USP32: variants seen among roughly 807,000 people sequenced by gnomAD.
USP32 encodes ubiquitin specific peptidase 32, also known as ubiquitin carboxyl-terminal hydrolase 32.
Under a neutral mutation model 204.8 loss-of-function variants are expected in USP32, and 59 were observed. The ratio of observed to expected loss-of-function variants is 0.29; its 90% CI spans 0.23 to 0.36. The LOEUF is 0.36. Ranked by LOEUF, USP32 falls within the 10% of genes least tolerant of loss-of-function variation. The pLI is 1.00. For synonymous variants in USP32, 517 were observed against 678.4 expected, an observed-to-expected ratio of 0.76 and a Z score of 3.70; for missense variants, 1,160 against 1,946.4, an observed-to-expected ratio of 0.60 and a Z score of 7.60.
chr17:60,390,141 C>T (rs1004448878), intron 1 of USP32, among the ~76,000 whole-genome samples: 3 of 152,116 alleles, frequency 2.0e-5, no homozygotes, highest in Admixed American at 1.3e-4. Flanking sequence ...TAAACAAAAA[C>T]CTTCCAGTCA....
At chr17:60,368,766 G>A (rs551045041) in intron 1 of USP32, among the ~76,000 whole-genome samples, 1 of 152,068 alleles carries the variant, frequency 6.6e-6, no homozygotes, top group East Asian at 1.9e-4. Flanking sequence ...ACACAACCTC[G>A]AAATGGCAAC....
chr17:60,349,069 G>A (rs1385935412), intron 1 of USP32, among the ~76,000 whole-genome samples: 1 of 151,648 alleles, frequency 6.6e-6, no homozygotes, highest in Admixed American at 6.6e-5. Context: ...TCACAGTCTA[G>A]TGGAGGAGAC....
At chr17:60,326,223 C>A (rs1192709613) in intron 2 of USP32, among the ~76,000 whole-genome samples, 1 of 151,806 alleles carries the variant, frequency 6.6e-6, no homozygotes, top group African/African-American at 2.4e-5. Flanking sequence ...TACATAGATT[C>A]ATCATAAATC....
At chr17:60,323,493 G>T (rs1359695789) in intron 2 of USP32, among the ~76,000 whole-genome samples, 1 of 152,152 alleles carries the variant, frequency 6.6e-6, no homozygotes, top group Non-Finnish European at 1.5e-5. Context: ...AGGGATGACT[G>T]TTAAAGTAAG....
chr17:60,347,982 C>T lies in USP32; in HGVS notation c.59-2374G>A, dbSNP rs191024062. On this transcript the variant is annotated intron_variant, in intron 1 of 33. Coordinates refer to ENST00000300896, the MANE Select transcript of USP32 (RefSeq NM_032582.4). ...CTAAAAATACAAAAAATTAGCCAGG[C>T]CTGGTGGCGGGCACCTGTAGTCCCA... Among the ~76,000 whole-genome samples the T allele has an allele frequency of 8.9e-3, 1,356 of 151,926 alleles. 15 individuals are homozygous for T. Among genetic ancestry groups the T allele is most frequent in the Middle Eastern group, 0.014 (4 of 294 alleles).
chr17:60,278,279 A>G (rs975642290), intron 5 of USP32, among the ~76,000 whole-genome samples: 1 of 152,182 alleles, frequency 6.6e-6, no homozygotes, highest in Non-Finnish European at 1.5e-5. Context: ...CTGACATTGT[A>G]CTAAAAACTA....
chr17:60,369,081 G>A (rs373726178), intron 1 of USP32, among the ~76,000 whole-genome samples: 3 of 126,824 alleles, frequency 2.4e-5, no homozygotes, highest in African/African-American at 1.2e-4. Flanking sequence ...TGCAAGCTCC[G>A]CCTCCCGGGT....
intron 11 of USP32, among the ~76,000 whole-genome samples, chr17:60,237,422 T>C (rs8070076): frequency 0.035 from 5,278 of 151,724 alleles, 313 homozygotes; most frequent in African/African-American, 0.12. Context: ...AACCAAAAAC[T>C]ATTTATTTTT....
At position 60,281,139 on chromosome 17, in the gene USP32, T is replaced by C. The variant is rs552846315; in HGVS notation, c.571+7384A>G. ...GATCTACAGCCCTCTATTTGAAAAT[T>C]TGCTTGATCCCAAAACAATTATTCT... On this transcript the variant is annotated intron_variant, in intron 5 of 33. Transcript: ENST00000300896. 9.8e-5 allele frequency among the ~76,000 whole-genome samples: 15 copies of C among 152,344 alleles called. No homozygotes were observed. The East Asian group carries it at 1.3e-3, about 14-fold the overall frequency.
At chr17:60,236,075 G>C in intron 12 of USP32, 63 bp downstream of exon 12, 1 of 1,304,104 alleles carries the variant, frequency 7.7e-7, no homozygotes. Context: ...TTTATTATTG[G>C]CTGGAAGTCT....
chr17:60,227,849 T>C (rs952323245), intron 12 of USP32, among the ~76,000 whole-genome samples: 2 of 152,144 alleles, frequency 1.3e-5, no homozygotes, highest in African/African-American at 4.8e-5. Context: ...AGCCAAAAAA[T>C]TTTTTTAAAT....
intron 1 of USP32, among the ~76,000 whole-genome samples, chr17:60,348,454 A>C (rs929349077): frequency 2.0e-5 from 3 of 152,184 alleles, no homozygotes; most frequent in Non-Finnish European, 2.9e-5. Flanking sequence ...AAGGGGACTT[A>C]TCAAGTTAAG....
intron 1 of USP32, among the ~76,000 whole-genome samples, chr17:60,388,021 G>A (rs192189728): frequency 2.0e-5 from 3 of 152,170 alleles, no homozygotes; most frequent in Admixed American, 2.0e-4. Context: ...CAAGCTATAT[G>A]ATCCTAGAGA....
intron 32 of USP32, among the ~76,000 whole-genome samples, chr17:60,180,867 CTATTAT>C (rs35652936): frequency 0.022 from 3,270 of 147,484 alleles, 135 homozygotes; most frequent in African/African-American, 0.074. Flanking sequence ...ATTGTAATTA[CTATTAT>C]TATTATTATT....
chr17:60,407,892 G>A (rs1163635932), intron 1 of USP32, among the ~76,000 whole-genome samples: 1 of 151,746 alleles, frequency 6.6e-6, no homozygotes, highest in Non-Finnish European at 1.5e-5. Flanking sequence ...GAGGTCAGGA[G>A]TTCGAGACCA....
intron 1 of USP32, among the ~76,000 whole-genome samples, chr17:60,350,718 G>T (rs2088927655): frequency 6.6e-6 from 1 of 152,104 alleles, no homozygotes. Flanking sequence ...CCCTCTCTCA[G>T]TAAAATTACA....
chr17:60,275,798 G>A (rs1225996529), intron 5 of USP32, among the ~76,000 whole-genome samples: 2 of 151,696 alleles, frequency 1.3e-5, no homozygotes, highest in African/African-American at 2.4e-5. Context: ...TGTAACGTCT[G>A]CCTCCTAGGT....
intron 1 of USP32, among the ~76,000 whole-genome samples, chr17:60,362,319 T>C (rs1436130557): frequency 4.6e-5 from 7 of 152,232 alleles, no homozygotes; most frequent in Admixed American, 4.6e-4. Context: ...TCTTTGTCCA[T>C]GAATCAACCA....
chr17:60,395,487 T>C (rs1203110443), upstream of USP32, among the ~76,000 whole-genome samples: 3 of 152,228 alleles, frequency 2.0e-5, no homozygotes, highest in African/African-American at 7.2e-5. Flanking sequence ...GGGAGTCAAA[T>C]GTTAAACATC....
Sources: gnomAD v4.1 joint callset for allele counts (sites outside exome capture counted in the v4.1 genomes callset) on GRCh38, gnomAD v4.1.1 for gene constraint, MANE v1.5 for transcripts, NCBI Gene and HGNC (gene_info 2026-07-23, HGNC 2026-07-21) for gene names.